MTUS2: variants seen among roughly 807,000 people sequenced by gnomAD.
The protein encoded by MTUS2 is microtubule associated scaffold protein 2, also known as microtubule-associated tumor suppressor candidate 2.
In MTUS2, 40 loss-of-function variants were observed where a neutral mutation model predicts 114.1. The observed-to-expected ratio is 0.35, with a 90% CI of 0.27 to 0.46. MTUS2 has a LOEUF of 0.46. Ranked by LOEUF, MTUS2 falls within the 20% of genes least tolerant of loss-of-function variation. MTUS2 has a pLI of 1.00. For synonymous variants in MTUS2, 688 were observed against 672.0 expected, an observed-to-expected ratio of 1.02 and a Z score of -0.37; for missense variants, 1,679 against 1,705.4, an observed-to-expected ratio of 0.98 and a Z score of 0.27.
chr13:29,444,710 C>G (rs1329459420), intron 9 of MTUS2, among the ~76,000 whole-genome samples: 1 of 152,144 alleles, frequency 6.6e-6, no homozygotes, highest in African/African-American at 2.4e-5. Context: ...CCCAGGAGGG[C>G]AGGATCCCAT....
At chr13:29,316,384 AGGTTG>A (rs1485836720) in intron 6 of MTUS2, among the ~76,000 whole-genome samples, 1 of 152,168 alleles carries the variant, frequency 6.6e-6, no homozygotes, top group East Asian at 1.9e-4. Context: ...AGAGGTAGAA[AGGTTG>A]GGGCCAGGGA....
At position 29,432,031 on chromosome 13, in the gene MTUS2, T is replaced by TC. The variant is rs1299275076; in HGVS notation, c.3118-7952_3118-7951insC. 5.5e-5 allele frequency among the ~76,000 whole-genome samples: 8 copies of TC among 145,938 alleles called. 1 individual carries two copies. The highest frequency in any genetic ancestry group is 7.4e-5 in the African/African-American group (3 of 40,426). ...AGCTATTTTTTTTTTTTTTTTTTTT[T>TC]TGGCAGAGCTGGGGTCTCGCTATAT... On this transcript the variant is annotated intron_variant, in intron 8 of 15. Coordinates refer to ENST00000612955, the MANE Select transcript of MTUS2 (RefSeq NM_001033602.4).
At chr13:28,839,000 TG>T (rs1399279707) in intron 1 of MTUS2, among the ~76,000 whole-genome samples, 2 of 57,512 alleles carry the variant, frequency 3.5e-5, no homozygotes, top group Non-Finnish European at 8.8e-5. Flanking sequence ...TTTTCAATCC[TG>T]ATTTTTTTTT....
At chr13:29,052,889 C>T (rs1172901419) in intron 4 of MTUS2, among the ~76,000 whole-genome samples, 5 of 151,990 alleles carry the variant, frequency 3.3e-5, no homozygotes, top group Admixed American at 6.6e-5. Flanking sequence ...TTTTCTTATC[C>T]TGTTCTTGTG....
intron 7 of MTUS2, among the ~76,000 whole-genome samples, chr13:29,341,759 A>C (rs957144312): frequency 6.6e-6 from 1 of 152,008 alleles, no homozygotes; most frequent in African/African-American, 2.4e-5. Flanking sequence ...TATCTTCTAG[A>C]ATTTTTATGG....
intron 2 of MTUS2, among the ~76,000 whole-genome samples, chr13:28,932,914 G>T (rs1301874124): frequency 1.3e-5 from 2 of 151,990 alleles, no homozygotes; most frequent in East Asian, 3.9e-4. Flanking sequence ...ATAAATTGCA[G>T]CTATTTTAAA....
chr13:29,446,364 T>C (rs1878281841), intron 9 of MTUS2, among the ~76,000 whole-genome samples: 1 of 152,192 alleles, frequency 6.6e-6, no homozygotes, highest in African/African-American at 2.4e-5. Flanking sequence ...TAGGGATCAG[T>C]CTACAGATTT....
intron 9 of MTUS2, among the ~76,000 whole-genome samples, chr13:29,470,830 T>G (rs1002289606): frequency 9.2e-5 from 14 of 152,194 alleles, no homozygotes; most frequent in African/African-American, 3.1e-4. Flanking sequence ...TTTCCCATCT[T>G]AAGACCTTGG....
intron 2 of MTUS2, among the ~76,000 whole-genome samples, chr13:28,897,821 A>C (rs1259423545): frequency 6.7e-6 from 1 of 148,314 alleles, no homozygotes; most frequent in Non-Finnish European, 1.5e-5. Flanking sequence ...CAAACACCGC[A>C]TGTTCTCACT....
At chr13:29,095,113 A>G (rs942169085) in intron 4 of MTUS2, among the ~76,000 whole-genome samples, 5 of 152,076 alleles carry the variant, frequency 3.3e-5, no homozygotes, top group African/African-American at 9.6e-5. Flanking sequence ...TTCTATGTGC[A>G]CTTGAGAAAA....
chr13:28,851,956 A>G (rs1483496610), intron 2 of MTUS2, among the ~76,000 whole-genome samples: 1 of 152,036 alleles, frequency 6.6e-6, no homozygotes, highest in African/African-American at 2.4e-5. Flanking sequence ...ATGAGATGAT[A>G]GCACTCTCAT....
intron 8 of MTUS2, among the ~76,000 whole-genome samples, chr13:29,431,395 C>G (rs936537823): frequency 1.3e-5 from 2 of 152,170 alleles, no homozygotes; most frequent in African/African-American, 4.8e-5. Context: ...AAAGGCATGG[C>G]CGGCCCTTAT....
chr13:29,392,722 A>G (rs1466507144), intron 8 of MTUS2, among the ~76,000 whole-genome samples: 1 of 152,198 alleles, frequency 6.6e-6, no homozygotes, highest in African/African-American at 2.4e-5. Context: ...GAGAAAGAAC[A>G]AGGGTGATTA....
intron 8 of MTUS2, among the ~76,000 whole-genome samples, chr13:29,417,299 C>T (rs1875740079): frequency 1.3e-5 from 2 of 152,214 alleles, no homozygotes; most frequent in Admixed American, 1.3e-4. Context: ...AGAGATTCTT[C>T]CCCATGACCC....
intron 5 of MTUS2, among the ~76,000 whole-genome samples, chr13:29,179,134 ATATAG>A (rs369509835): frequency 1.1e-3 from 166 of 152,316 alleles, no homozygotes; most frequent in African/African-American, 3.8e-3. Flanking sequence ...AAAGCTCAGA[ATATAG>A]AGTAATAGAT....
intron 6 of MTUS2, among the ~76,000 whole-genome samples, chr13:29,323,790 G>A (rs1427533537): frequency 6.6e-6 from 1 of 152,112 alleles, no homozygotes; most frequent in Admixed American, 6.5e-5. Context: ...GGTGAGCATG[G>A]GGGTGACATC....
At chr13:29,415,611 G>C (rs1875606172) in intron 8 of MTUS2, among the ~76,000 whole-genome samples, 3 of 151,974 alleles carry the variant, frequency 2.0e-5, no homozygotes, top group Admixed American at 2.0e-4. Flanking sequence ...TATATATCTT[G>C]GATGTTGTAT....
chr13:29,305,512 G>T (rs7319364), intron 6 of MTUS2, among the ~76,000 whole-genome samples: 137,585 of 152,116 alleles, frequency 0.9, 62,566 homozygotes, highest in East Asian at 0.98. Flanking sequence ...TAAATATCTC[G>T]AGGCACATAA....
intron 8 of MTUS2, among the ~76,000 whole-genome samples, chr13:29,365,811 A>G (rs542302596): frequency 6.6e-6 from 1 of 152,274 alleles, no homozygotes; most frequent in African/African-American, 2.4e-5. Context: ...GCAGATACCA[A>G]TTCTTCACTT....
Sources: allele counts gnomAD v4.1 joint callset (sites outside exome capture counted in the v4.1 genomes callset), GRCh38; gene constraint gnomAD v4.1.1; transcripts MANE v1.5; gene names NCBI Gene and HGNC (gene_info 2026-07-23, HGNC 2026-07-21).